SNED1: variants seen among roughly 807,000 people sequenced by gnomAD.
SNED1 encodes sushi, nidogen and EGF like domains 1.
A neutral mutation model predicts 166.7 loss-of-function variants in SNED1; 81 were observed. That is an observed-to-expected ratio of 0.49 (90% CI 0.41 to 0.58). The LOEUF is 0.58. Ranked by LOEUF, SNED1 falls within the 20% of genes least tolerant of loss-of-function variation. The pLI is 0.00. For missense variants in SNED1, 1,604 were observed against 2,000.2 expected, an observed-to-expected ratio of 0.80 and a Z score of 3.78; for synonymous variants, 762 against 822.0, an observed-to-expected ratio of 0.93 and a Z score of 1.25.
chr2:241,049,767 G>A (rs1401990484), intron 11 of SNED1, 50 bp from the exon 12 acceptor site: 16 of 1,453,774 alleles, frequency 1.1e-5, no homozygotes, highest in South Asian at 2.3e-5. Context: ...CTTGCCGCCC[G>A]CACAGATGCG....
intron 27 of SNED1, chr2:241,074,528 T>C (rs1397655611): frequency 6.6e-6 from 1 of 152,154 alleles, no homozygotes; most frequent in Non-Finnish European, 1.5e-5. Flanking sequence ...ACTCAGAGAT[T>C]GGAGGGGCGT....
Position 241,073,468 on chromosome 2 carries a change from C to T in SNED1, c.3916+104C>T, listed in dbSNP as rs1230490416. ...CCACCCACGGTGAGGAATCAGGAGG[C>T]ACAGAGCCTACCTGAGGGGAGGCTG... On this transcript the variant is annotated intron_variant, in intron 27 of 31. Transcript: ENST00000310397. The surrounding 1 kb of genome is among the most constrained non-coding windows in gnomAD (Gnocchi z 6.6). 1 of 949,074 alleles carries T rather than the reference C, an allele frequency of 1.1e-6. No homozygotes were observed. Among genetic ancestry groups the T allele is most frequent in the Non-Finnish European group, 1.7e-6 (1 of 599,630 alleles). 58.8% of individuals were successfully genotyped at this position (949,074 alleles called of 1,614,324 possible).
intron 1 of SNED1, 51 bp from the exon 2 acceptor site, chr2:241,030,233 C>T (rs1035035887): frequency 3.3e-5 from 49 of 1,484,920 alleles, no homozygotes; most frequent in Middle Eastern, 2.1e-4. Context: ...TGGGCCCACC[C>T]GCCTGCCCAC....
intron 12 of SNED1, among the ~76,000 whole-genome samples, chr2:241,050,954 C>T (rs776933419): frequency 2.6e-5 from 4 of 152,240 alleles, no homozygotes; most frequent in Admixed American, 6.5e-5. Context: ...TCCCAGCTTC[C>T]GTGAGCACAC....
chr2:241,026,536 C>G (rs1204535685), intron 1 of SNED1, among the ~76,000 whole-genome samples: 2 of 152,150 alleles, frequency 1.3e-5, no homozygotes, highest in Non-Finnish European at 2.9e-5. Flanking sequence ...TGGATAGTTT[C>G]TTCTGACCTT....
At chr2:241,007,894 G>A (rs771258694) in intron 1 of SNED1, among the ~76,000 whole-genome samples, 1 of 152,130 alleles carries the variant, frequency 6.6e-6, no homozygotes, top group African/African-American at 2.4e-5. Context: ...TGTCCTACAC[G>A]GGCCTTCGTG....
At chr2:241,024,392 C>T (rs1327832017) in intron 1 of SNED1, among the ~76,000 whole-genome samples, 1 of 150,268 alleles carries the variant, frequency 6.7e-6, no homozygotes, top group Non-Finnish European at 1.5e-5. Context: ...ACTACAGGTG[C>T]CCACCACTAC....
intron 21 of SNED1, among the ~76,000 whole-genome samples, chr2:241,067,208 G>T (rs1223240212): frequency 6.6e-6 from 1 of 152,238 alleles, no homozygotes; most frequent in Non-Finnish European, 1.5e-5. Context: ...GAGTTGCCGG[G>T]AGCTGAGCGC....
In SNED1 at chr2:240,999,081, G is replaced by A; in HGVS notation, c.213+31G>A. 2 of 1,212,276 alleles carry A rather than the reference G, an allele frequency of 1.6e-6. No individual in the cohort carries two copies. 75.1% of individuals were successfully genotyped at this position (1,212,276 alleles called of 1,614,324 possible). ...TAACCCCCGGGCTCGCGGGGCGCCC[G>A]GGAGGGGAGGGAGCTGCGCCCCGGC... On this transcript the variant is annotated intron_variant, in intron 1 of 31. Coordinates refer to ENST00000310397, the MANE Select transcript of SNED1 (RefSeq NM_001080437.3). The surrounding 1 kb of genome is among the most constrained non-coding windows in gnomAD (Gnocchi z 5.8).
chr2:241,031,313 C>T (rs765873043), intron 2 of SNED1, among the ~76,000 whole-genome samples: 1 of 152,168 alleles, frequency 6.6e-6, no homozygotes, highest in Non-Finnish European at 1.5e-5. Context: ...TACAGGCATG[C>T]ATCACCACAC....
chr2:241,027,765 G>A (rs1015717831), intron 1 of SNED1, among the ~76,000 whole-genome samples: 6 of 140,916 alleles, frequency 4.3e-5, no homozygotes, highest in South Asian at 2.2e-4. Context: ...GTGGAGTCTC[G>A]CACTGTGACC....
chr2:241,090,241 A>G lies in SNED1; in HGVS notation c.*2-1397A>G, dbSNP rs2063845100. The G allele has an allele frequency of 2.7e-6, 4 of 1,497,692 alleles. No individual in the cohort carries two copies. In the East Asian group the frequency reaches 9.9e-5, roughly 37 times the overall value. The allele number at this position is 1,497,692 out of a possible 1,614,324, so 92.8% of individuals were successfully genotyped here. On this transcript the variant is annotated intron_variant, in intron 31 of 31. Transcript: ENST00000310397. ...TTTTTACTATTTAACTTTTGTTAAA[A>G]ACTAAGACACAAACACACACATTGG...
rs955416123 is a variant in SNED1, at chr2:241,052,257, C to T, written c.1970-98C>T. Reference sequence around the variant, plus strand: ...GCAGGGCTGGTCCAGGCCCTGGAGGCGCAGGAGGTGGAGCTGGGTGCAGGA... The same window carrying T: ...GCAGGGCTGGTCCAGGCCCTGGAGGTGCAGGAGGTGGAGCTGGGTGCAGGA... On this transcript the variant is annotated intron_variant, in intron 14 of 31. Transcript: ENST00000310397. 9.8e-6 allele frequency: 14 copies of T among 1,433,758 alleles called. No individual in the cohort carries two copies. In the East Asian group the frequency reaches 1.6e-4, roughly 16 times the overall value. The allele number at this position is 1,433,758 out of a possible 1,614,324, so 88.8% of individuals were successfully genotyped here.
intron 1 of SNED1, among the ~76,000 whole-genome samples, chr2:241,028,809 AT>A (rs1480522130): frequency 2.0e-5 from 3 of 151,520 alleles, no homozygotes; most frequent in African/African-American, 7.3e-5. Flanking sequence ...TAGTTATTTT[AT>A]GTTCTGAGTC....
chr2:241,030,120 G>A (rs1308002249), intron 1 of SNED1, among the ~76,000 whole-genome samples, 164 bp from the exon 2 acceptor site: 1 of 152,232 alleles, frequency 6.6e-6, no homozygotes, highest in Non-Finnish European at 1.5e-5. Flanking sequence ...GCCATGCTGG[G>A]CCCATCTCAG....
chr2:241,087,414 C>A lies in SNED1; in HGVS notation c.4144C>A (p.His1382Asn). ...CAGGTATAAAAGAGTCTACCGAGTT[C>A]ACCAAGACATCTGCTTCAAAGAGAG... ...HHVYKRVYRV[H>N]QDICFKESCE... The change falls in exon 30 of 32, where the codon CAC becomes AAC. Residue 1382 changes from histidine (H) to asparagine (N), a missense_variant. Transcript: ENST00000310397. 6.2e-7 allele frequency: 1 copy of A among 1,602,982 alleles called. No homozygotes were observed. Among genetic ancestry groups the A allele is most frequent in the South Asian group, 1.1e-5 (1 of 88,782 alleles).
At chr2:241,003,234 G>C (rs1328769584) in intron 1 of SNED1, among the ~76,000 whole-genome samples, 2 of 151,002 alleles carry the variant, frequency 1.3e-5, no homozygotes, top group Non-Finnish European at 2.9e-5. Flanking sequence ...GGGAGGTGTT[G>C]GGATGTGCAC....
rs2061128498 is a variant in SNED1 at position 241,030,287 on chromosome 2, A to G, written c.217A>G (p.Asn73Asp). The G allele has an allele frequency of 6.3e-7, 1 of 1,579,248 alleles. No homozygotes were observed. ...FGAEHSGLYV[N>D]NNGIISFLKE... ...GCTCTGGCTTTCTGCCTCCCAGGTGAACAACAACGGGATCATCTCCTTCCT... is the reference window on the plus strand; with the variant it reads ...GCTCTGGCTTTCTGCCTCCCAGGTGGACAACAACGGGATCATCTCCTTCCT... Residue 73 changes from asparagine to aspartate, a missense_variant, in exon 2 of 32, where the codon AAC (asparagine) becomes GAC (aspartate). Coordinates refer to ENST00000310397, the MANE Select transcript of SNED1 (RefSeq NM_001080437.3).
intron 1 of SNED1, among the ~76,000 whole-genome samples, chr2:241,004,233 G>A (rs767902240): frequency 9.9e-5 from 15 of 152,206 alleles, no homozygotes; most frequent in Admixed American, 2.0e-4. Flanking sequence ...GGCTTCCTGT[G>A]AAATCTTCAG....
Sources: allele counts gnomAD v4.1 joint callset (sites outside exome capture counted in the v4.1 genomes callset), GRCh38; gene constraint gnomAD v4.1.1; non-coding constraint Gnocchi (gnomAD v3.1); transcripts MANE v1.5; gene names NCBI Gene and HGNC (gene_info 2026-07-23, HGNC 2026-07-21).